PALLD: variants seen among roughly 807,000 people sequenced by gnomAD.
PALLD encodes the protein palladin, cytoskeletal associated protein.
A neutral mutation model predicts 123.5 loss-of-function variants in PALLD; 61 were observed. The observed-to-expected ratio is 0.49, with a 90% confidence interval of 0.40 to 0.61. The LOEUF (loss-of-function observed/expected upper bound fraction) is 0.61, where lower values mean the gene tolerates loss of function less well. Among genes scored for constraint, PALLD ranks in the 20% least tolerant of loss-of-function variants. PALLD has a pLI of 0.00. For synonymous variants in PALLD, 465 were observed against 496.4 expected (o/e 0.94, Z 0.84); for missense variants, 1,273 against 1,377.0 (o/e 0.92, Z 1.20).
At chr4:168,816,757 G>C (rs1046361324) in intron 10 of PALLD, among the ~76,000 whole-genome samples, 1 of 151,720 alleles carries the variant, frequency 6.6e-6, no homozygotes, top group African/African-American at 2.4e-5. Flanking sequence ...ATAACTGATG[G>C]GGGATTGGCT....
intron 10 of PALLD, among the ~76,000 whole-genome samples, chr4:168,772,924 C>T (rs926901530): frequency 6.6e-6 from 1 of 152,106 alleles, no homozygotes; most frequent in Non-Finnish European, 1.5e-5. Flanking sequence ...TTCAGAAAGA[C>T]GGCTGCTCAT....
Position 168,603,714 on chromosome 4 carries a change from G to A in PALLD, c.909-64476G>A, listed in dbSNP as rs559896100. Among the ~76,000 whole-genome samples the A allele has an allele frequency of 7.9e-5, 12 of 152,210 alleles. 1 individual carries two copies. Among genetic ancestry groups the A allele is most frequent in the African/African-American group, 1.2e-4 (5 of 41,532 alleles). Reference sequence around the variant, plus strand: ...CAAGTAAGGTTCAAAAAAATTAAGCGTTGTGCCCAATGTTACACAGCTGGT... The same window carrying A: ...CAAGTAAGGTTCAAAAAAATTAAGCATTGTGCCCAATGTTACACAGCTGGT... On this transcript the variant is annotated intron_variant, in intron 2 of 21. Transcript: ENST00000505667.
At chr4:168,815,339 AC>A (rs955456011) in intron 10 of PALLD, among the ~76,000 whole-genome samples, 4 of 152,208 alleles carry the variant, frequency 2.6e-5, no homozygotes, top group Admixed American at 6.5e-5. Context: ...ACAAGTTTGA[AC>A]CCACAAGTCA....
intron 10 of PALLD, among the ~76,000 whole-genome samples, chr4:168,714,083 T>A (rs1419273122): frequency 2.0e-5 from 3 of 151,822 alleles, no homozygotes; most frequent in Admixed American, 1.3e-4. Context: ...TGATACTTTT[T>A]AAATATATAT....
intron 10 of PALLD, among the ~76,000 whole-genome samples, chr4:168,838,626 C>T (rs1365945435): frequency 7.0e-6 from 1 of 142,826 alleles, no homozygotes; most frequent in East Asian, 2.2e-4. Flanking sequence ...GATCAGAATT[C>T]TCTAGTTCAC....
intron 10 of PALLD, among the ~76,000 whole-genome samples, chr4:168,769,925 G>T (rs1008965731): frequency 2.6e-5 from 4 of 152,098 alleles, no homozygotes; most frequent in African/African-American, 9.7e-5. Flanking sequence ...TCCCAAATGA[G>T]GCCATGCACA....
At chr4:168,598,526 GT>G in intron 2 of PALLD, 1 of 413,070 alleles carries the variant, frequency 2.4e-6, no homozygotes, top group Non-Finnish European at 4.8e-6. Flanking sequence ...TTGCAAAGAT[GT>G]TAACAGAGAG....
At chr4:168,540,831 C>T (rs990074337) in intron 2 of PALLD, among the ~76,000 whole-genome samples, 4 of 151,576 alleles carry the variant, frequency 2.6e-5, no homozygotes, top group African/African-American at 9.7e-5. Flanking sequence ...GCACTTGCTC[C>T]TGAGATGATA....
At chr4:168,629,429 T>C (rs1013226878) in intron 2 of PALLD, among the ~76,000 whole-genome samples, 1 of 152,210 alleles carries the variant, frequency 6.6e-6, no homozygotes, top group Non-Finnish European at 1.5e-5. Flanking sequence ...GGGAGATGTA[T>C]GGACTGGGCA....
intron 5 of PALLD, among the ~76,000 whole-genome samples, chr4:168,683,856 T>C (rs143502143): frequency 3.6e-3 from 550 of 152,212 alleles, no homozygotes; most frequent in African/African-American, 0.013. Context: ...TTATTACCTA[T>C]TGAATGCTCA....
intron 2 of PALLD, chr4:168,648,697 G>C (rs1777736007): frequency 6.6e-6 from 1 of 152,178 alleles, no homozygotes; most frequent in Non-Finnish European, 1.5e-5. Context: ...CTTGGTGGAA[G>C]GCACTATTGT....
At chr4:168,911,296 T>A (rs144267099) in intron 15 of PALLD, among the ~76,000 whole-genome samples, 1 of 152,362 alleles carries the variant, frequency 6.6e-6, no homozygotes, top group East Asian at 1.9e-4. Context: ...CAAGTTTAAG[T>A]CTGAATTTAA....
At chr4:168,540,944 A>G (rs1765549845) in intron 2 of PALLD, among the ~76,000 whole-genome samples, 1 of 152,094 alleles carries the variant, frequency 6.6e-6, no homozygotes, top group African/African-American at 2.4e-5. Flanking sequence ...CTCTCATTGC[A>G]TTTTTGTGGA....
intron 2 of PALLD, among the ~76,000 whole-genome samples, chr4:168,667,586 TGAC>T (rs994439071): frequency 1.3e-5 from 2 of 152,208 alleles, no homozygotes; most frequent in African/African-American, 2.4e-5. Context: ...GGAAAAGTGC[TGAC>T]GAGCAAGAAT....
At chr4:168,765,009 C>T (rs1277039249) in intron 10 of PALLD, among the ~76,000 whole-genome samples, 1 of 152,146 alleles carries the variant, frequency 6.6e-6, no homozygotes, top group South Asian at 2.1e-4. Context: ...CAGGAAAGAA[C>T]ATGATTTCTT....
chr4:168,826,515 T>C (rs986846640), intron 10 of PALLD, among the ~76,000 whole-genome samples: 4 of 152,224 alleles, frequency 2.6e-5, no homozygotes, highest in Non-Finnish European at 4.4e-5. Context: ...ATGATAGTTA[T>C]AGTGATACTT....
intron 8 of PALLD, among the ~76,000 whole-genome samples, chr4:168,699,053 C>T (rs771422368): frequency 2.6e-4 from 39 of 152,150 alleles, no homozygotes; most frequent in Middle Eastern, 3.4e-3. Flanking sequence ...ATATTAAATA[C>T]AATTGACAAT....
chr4:168,536,152 T>G (rs57052738), intron 2 of PALLD, among the ~76,000 whole-genome samples: 10,341 of 152,222 alleles, frequency 0.068, 613 homozygotes, highest in African/African-American at 0.16. Context: ...GATCTATGAC[T>G]CCTGCTACTC....
At chr4:168,805,059 G>A (rs1327560244) in intron 10 of PALLD, among the ~76,000 whole-genome samples, 13 of 151,936 alleles carry the variant, frequency 8.6e-5, no homozygotes, top group Admixed American at 4.6e-4. Context: ...TCAGGAGGCC[G>A]AGACAGGAGA....
Sources: allele counts gnomAD v4.1 joint callset (sites outside exome capture counted in the v4.1 genomes callset), GRCh38; gene constraint gnomAD v4.1.1; transcripts MANE v1.5; gene names NCBI Gene and HGNC (gene_info 2026-07-23, HGNC 2026-07-21).